Variants in SNX29 observed in about 807,000 individuals in gnomAD.
The protein encoded by SNX29 is sorting nexin-29.
Under a neutral mutation model 102.1 loss-of-function variants are expected in SNX29, and 78 were observed. The observed-to-expected ratio is 0.76, with a 90% confidence interval of 0.64 to 0.92. SNX29 has a LOEUF of 0.92. SNX29 is among the 40% of genes least tolerant of loss of function. SNX29 has a pLI of 0.00. For synonymous variants in SNX29, 580 were observed against 414.5 expected (o/e 1.40, Z -4.85); for missense variants, 1,280 against 1,061.7 (o/e 1.21, Z -2.86).
At chr16:12,233,910 TC>T (rs1278021944) in intron 14 of SNX29, among the ~76,000 whole-genome samples, 1 of 152,234 alleles carries the variant, frequency 6.6e-6, no homozygotes, top group African/African-American at 2.4e-5. Context: ...TCAAGGTTTA[TC>T]TACATTGTAG....
intron 18 of SNX29, among the ~76,000 whole-genome samples, chr16:12,438,408 A>G (rs1371442593): frequency 2.0e-5 from 3 of 150,454 alleles, no homozygotes; most frequent in Non-Finnish European, 3.0e-5. Context: ...CACCCAGTTT[A>G]CCTCTCCCCT....
Position 12,003,042 on chromosome 16 carries a change from A to G in SNX29, c.121A>G (p.Arg41Gly), listed in dbSNP as rs1385855053. ...RKEIASDSDS[R>G]VTCLCAQFEA... ...GGAGATTGCCTCGGATTCCGACAGC[A>G]GGTAAATATGTCACTTCTAAAACCG... Residue 41 changes from arginine (R) to glycine (G), a missense_variant and splice_region_variant, in exon 3 of 21, where the codon AGG becomes GGG. Physicochemically the swap from Arg to Gly is moderately radical, Grantham distance 125. Transcript: ENST00000566228. 6.2e-7 allele frequency: 1 copy of G among 1,614,176 alleles called. No homozygotes were observed.
rs140529329 is a variant in SNX29, at chr16:12,150,785, G to A, written c.1595+21027G>A. Among the ~76,000 whole-genome samples, 32 of 152,350 alleles carry A rather than the reference G, an allele frequency of 2.1e-4. No individual in the cohort carries two copies. The East Asian group carries it at 6.0e-3, about 28-fold the overall frequency. On this transcript the variant is annotated intron_variant, in intron 13 of 20. Coordinates refer to ENST00000566228, the MANE Select transcript of SNX29 (RefSeq NM_032167.5). ...CAGCCTGTGGTTTGGGTTCATTTGT[G>A]CAGATTGGGGCTAATTTGTTTTTGC...
intron 1 of SNX29, among the ~76,000 whole-genome samples, chr16:11,994,697 G>T (rs1228040642): frequency 6.6e-6 from 1 of 152,192 alleles, no homozygotes; most frequent in African/African-American, 2.4e-5. Flanking sequence ...TGGGCACATT[G>T]TTCCTACTTC....
At chr16:12,178,879 T>C (rs2076320271) in intron 13 of SNX29, among the ~76,000 whole-genome samples, 1 of 152,262 alleles carries the variant, frequency 6.6e-6, no homozygotes, top group South Asian at 2.1e-4. Context: ...GTATTATTTT[T>C]CTGAGGCTGT....
intron 4 of SNX29, among the ~76,000 whole-genome samples, chr16:12,031,676 G>C (rs566838257): frequency 2.8e-3 from 431 of 152,006 alleles, no homozygotes; most frequent in Non-Finnish European, 4.4e-3. Flanking sequence ...GTGGTGGCAG[G>C]TGCCTATAGT....
intron 18 of SNX29, among the ~76,000 whole-genome samples, chr16:12,418,220 G>A (rs2084722808): frequency 6.6e-6 from 1 of 152,170 alleles, no homozygotes. Context: ...ATTTAAGACA[G>A]CCTTAACTCT....
intron 13 of SNX29, among the ~76,000 whole-genome samples, chr16:12,197,955 C>T (rs2076819334): frequency 6.6e-6 from 1 of 152,050 alleles, no homozygotes; most frequent in Non-Finnish European, 1.5e-5. Flanking sequence ...AAAACAGACG[C>T]TCGGCACCAG....
intron 20 of SNX29, among the ~76,000 whole-genome samples, chr16:12,543,214 T>C (rs1428703571): frequency 1.3e-5 from 2 of 152,212 alleles, no homozygotes; most frequent in African/African-American, 2.4e-5. Flanking sequence ...ACGTTGCTCC[T>C]GATAGCTGTA....
chr16:12,516,192 G>A (rs2089856375), intron 19 of SNX29, among the ~76,000 whole-genome samples: 1 of 152,158 alleles, frequency 6.6e-6, no homozygotes, highest in African/African-American at 2.4e-5. Context: ...ATCAGAATGG[G>A]TACGAGACCA....
chr16:12,499,822 C>T (rs138681348), intron 19 of SNX29, among the ~76,000 whole-genome samples: 11 of 152,074 alleles, frequency 7.2e-5, no homozygotes, highest in African/African-American at 1.4e-4. Context: ...GCCACAGTTA[C>T]GCACAACCAT....
At chr16:12,481,069 A>G (rs773438736) in intron 19 of SNX29, among the ~76,000 whole-genome samples, 12 of 152,152 alleles carry the variant, frequency 7.9e-5, no homozygotes, top group South Asian at 4.1e-4. Flanking sequence ...CACAGCAGCA[A>G]ACCTTTCTCC....
intron 13 of SNX29, among the ~76,000 whole-genome samples, chr16:12,179,631 G>A (rs1049553881): frequency 3.3e-5 from 5 of 152,164 alleles, no homozygotes; most frequent in Admixed American, 1.3e-4. Context: ...TATGTTTAAT[G>A]CTTTCCACCA....
At chr16:12,355,929 T>C (rs187813177) in intron 15 of SNX29, among the ~76,000 whole-genome samples, 10 of 151,090 alleles carry the variant, frequency 6.6e-5, no homozygotes, top group Admixed American at 6.6e-4. Context: ...ACCATCCTAT[T>C]TGGACCATAA....
chr16:12,052,133 C>A lies in SNX29; in HGVS notation c.1035C>A (p.Ile345=). The A allele has an allele frequency of 6.2e-7, 1 of 1,613,720 alleles. No homozygotes were observed. Among genetic ancestry groups the A allele is most frequent in the Non-Finnish European group, 8.5e-7 (1 of 1,179,844 alleles). ...FGYQKLDVKS[I]DDEDVDENED... ...ACCAGAAGCTTGATGTGAAAAGCAT[C>A]GATGATGAAGATGTGGATGAAAACG... is the stretch of plus-strand genomic sequence containing the variant. Residue 345 remains isoleucine, a synonymous_variant, in exon 8 of 21, where the codon ATC becomes ATA. Transcript: ENST00000566228.
chr16:12,500,461 G>C (rs181257893), intron 19 of SNX29, among the ~76,000 whole-genome samples: 3 of 152,320 alleles, frequency 2.0e-5, no homozygotes, highest in East Asian at 1.9e-4. Flanking sequence ...CCGCCTCTCT[G>C]TAACCTCCAC....
chr16:12,540,567 T>C (rs1460884805), intron 20 of SNX29, among the ~76,000 whole-genome samples: 1 of 152,344 alleles, frequency 6.6e-6, no homozygotes, highest in East Asian at 1.9e-4. Context: ...CATGGCCCCT[T>C]CTTTGCTTCC....
chr16:12,167,370 G>T (rs974625824), intron 13 of SNX29, among the ~76,000 whole-genome samples: 1 of 152,108 alleles, frequency 6.6e-6, no homozygotes, highest in African/African-American at 2.4e-5. Context: ...CTGTCCAGGT[G>T]TCAGATGTCA....
intron 18 of SNX29, among the ~76,000 whole-genome samples, chr16:12,430,887 G>C (rs1163607490): frequency 1.4e-5 from 2 of 147,122 alleles, no homozygotes; most frequent in African/African-American, 5.1e-5. Context: ...ATCTCACTCT[G>C]TCGTGCCCAG....
Sources: gnomAD v4.1 joint callset for allele counts (sites outside exome capture counted in the v4.1 genomes callset) on GRCh38, gnomAD v4.1.1 for gene constraint, MANE v1.5 for transcripts, NCBI Gene and HGNC (gene_info 2026-07-23, HGNC 2026-07-21) for gene names.